The following GPC5 variants were observed in gnomAD, a reference collection of about 807,000 sequenced individuals.
GPC5 encodes the protein glypican 5, also known as glypican-5.
GPC5 carries 47 observed loss-of-function variants against 53.9 expected under a neutral mutation model. That is an observed-to-expected ratio of 0.87 (90% confidence interval 0.69 to 1.11). The LOEUF is 1.11. Ranked by LOEUF, GPC5 falls within the 50% of genes most tolerant of loss-of-function variation. The pLI, the probability that GPC5 is intolerant of heterozygous loss-of-function variation, is 0.00. For missense variants in GPC5, 748 were observed against 713.1 expected, an observed-to-expected ratio of 1.05 and a Z score of -0.56; for synonymous variants, 286 against 263.3, an observed-to-expected ratio of 1.09 and a Z score of -0.84.
At chr13:92,513,544 CCCTTTCCTTT>C (rs71737823) in intron 7 of GPC5, among the ~76,000 whole-genome samples, 86,131 of 148,452 alleles carry the variant, frequency 0.58, 25,481 homozygotes, top group East Asian at 0.75. Flanking sequence ...CCCTTTCTCT[CCCTTTCCTTT>C]CCTTTCCTTT....
intron 7 of GPC5, among the ~76,000 whole-genome samples, chr13:92,293,510 G>C (rs1022336322): frequency 1.4e-5 from 2 of 139,928 alleles, no homozygotes; most frequent in Non-Finnish European, 3.0e-5. Flanking sequence ...CTGTCAGTGT[G>C]TAAGAAAAGA....
intron 2 of GPC5, among the ~76,000 whole-genome samples, chr13:91,660,947 T>C (rs1397304656): frequency 6.6e-6 from 1 of 152,230 alleles, no homozygotes; most frequent in Non-Finnish European, 1.5e-5. Flanking sequence ...CAATGTGCTG[T>C]CACTTAGAAT....
At chr13:92,483,180 T>G (rs1195645580) in intron 7 of GPC5, among the ~76,000 whole-genome samples, 1 of 152,134 alleles carries the variant, frequency 6.6e-6, no homozygotes, top group African/African-American at 2.4e-5. Context: ...GAAATTTGGG[T>G]GAGGACACAG....
chr13:92,363,074 A>G (rs997143179), intron 7 of GPC5, among the ~76,000 whole-genome samples: 1 of 151,714 alleles, frequency 6.6e-6, no homozygotes, highest in African/African-American at 2.4e-5. Context: ...TTTCACAGTC[A>G]GAAGGAAATC....
At chr13:92,803,060 T>C (rs530594334) in intron 7 of GPC5, among the ~76,000 whole-genome samples, 2 of 152,072 alleles carry the variant, frequency 1.3e-5, no homozygotes, top group African/African-American at 2.4e-5. Flanking sequence ...CCCCAAATTT[T>C]AATTACCTTA....
At chr13:92,303,002 C>T (rs2043085731) in intron 7 of GPC5, among the ~76,000 whole-genome samples, 1 of 152,182 alleles carries the variant, frequency 6.6e-6, no homozygotes, top group South Asian at 2.1e-4. Context: ...ATTACTTTAT[C>T]ACTTCTGATC....
At chr13:92,728,833 G>C (rs918643429) in intron 7 of GPC5, among the ~76,000 whole-genome samples, 1 of 151,340 alleles carries the variant, frequency 6.6e-6, no homozygotes. Flanking sequence ...AGATTATCTA[G>C]TTTAATTACT....
chr13:92,402,853 TA>T (rs1003408664), intron 7 of GPC5, among the ~76,000 whole-genome samples: 4 of 152,196 alleles, frequency 2.6e-5, no homozygotes, highest in African/African-American at 7.2e-5. Context: ...AGATGACTCA[TA>T]GGGGGAACAG....
rs11841338 is a variant in GPC5 at position 92,252,299 on chromosome 13, A to G, written c.1561+107310A>G. On this transcript the variant is annotated intron_variant, in intron 7 of 7. Transcript: ENST00000377067. ...GGATAAACAGTGGATATTTTTGGTT[A>G]ACTGATGTTTAGATAAACTATAGAT... Among the ~76,000 whole-genome samples the G allele has an allele frequency of 7.3e-4, 111 of 152,260 alleles. 1 individual carries two copies. The highest frequency in any genetic ancestry group is 2.6e-3 in the African/African-American group (107 of 41,568).
intron 7 of GPC5, among the ~76,000 whole-genome samples, chr13:92,245,298 T>C (rs1485060611): frequency 6.6e-6 from 1 of 152,178 alleles, no homozygotes; most frequent in Non-Finnish European, 1.5e-5. Flanking sequence ...GACTACCCTA[T>C]CTGAAGTAGC....
intron 3 of GPC5, among the ~76,000 whole-genome samples, chr13:91,723,155 A>G (rs1250385847): frequency 6.6e-6 from 1 of 151,790 alleles, no homozygotes; most frequent in Non-Finnish European, 1.5e-5. Flanking sequence ...TTTTGTAATC[A>G]CTTATTTTTA....
At chr13:92,128,679 T>A (rs1256024837) in intron 6 of GPC5, among the ~76,000 whole-genome samples, 1 of 152,144 alleles carries the variant, frequency 6.6e-6, no homozygotes, top group African/African-American at 2.4e-5. Flanking sequence ...TAAGAAGTAA[T>A]CCTGGCCGGG....
At chr13:91,907,214 G>A (rs2039562417) in intron 5 of GPC5, among the ~76,000 whole-genome samples, 1 of 148,916 alleles carries the variant, frequency 6.7e-6, no homozygotes, top group Admixed American at 6.7e-5. Context: ...ATGGATACTA[G>A]AATTCTTAAC....
At chr13:92,479,223 C>T (rs1879260301) in intron 7 of GPC5, among the ~76,000 whole-genome samples, 2 of 152,024 alleles carry the variant, frequency 1.3e-5, no homozygotes, top group Non-Finnish European at 2.9e-5. Flanking sequence ...AGTATAGGCT[C>T]AGGAAAGGGC....
intron 7 of GPC5, among the ~76,000 whole-genome samples, chr13:92,166,941 C>T (rs796127535): frequency 9.0e-6 from 1 of 111,722 alleles, no homozygotes; most frequent in South Asian, 3.8e-4. Context: ...CTCTCTCTCT[C>T]TCTCTCTCTC....
At chr13:91,668,453 C>A (rs1412311) in intron 2 of GPC5, among the ~76,000 whole-genome samples, 2 of 152,000 alleles carry the variant, frequency 1.3e-5, no homozygotes, top group Non-Finnish European at 2.9e-5. Context: ...ATTCTTAACC[C>A]AAATTCTCAA....
chr13:92,351,429 A>G (rs1047414556), intron 7 of GPC5, among the ~76,000 whole-genome samples: 4 of 151,946 alleles, frequency 2.6e-5, no homozygotes, highest in South Asian at 4.1e-4. Context: ...ATTGGAAGCA[A>G]TATTTTTAAA....
At chr13:91,598,606 GT>G (rs1340443827) in intron 2 of GPC5, among the ~76,000 whole-genome samples, 1 of 151,726 alleles carries the variant, frequency 6.6e-6, no homozygotes, top group African/African-American at 2.4e-5. Flanking sequence ...GTATTTAATT[GT>G]TTTATACAGG....
chr13:92,225,998 A>G (rs1594013933), intron 7 of GPC5, among the ~76,000 whole-genome samples: 1 of 152,260 alleles, frequency 6.6e-6, no homozygotes, highest in Non-Finnish European at 1.5e-5. Flanking sequence ...GGAGAGGCCT[A>G]GTGGGAGGTG....
Sources: allele counts gnomAD v4.1 joint callset (sites outside exome capture counted in the v4.1 genomes callset), GRCh38; gene constraint gnomAD v4.1.1; transcripts MANE v1.5; gene names NCBI Gene and HGNC (gene_info 2026-07-23, HGNC 2026-07-21).